The following KCNIP4 variants were observed in gnomAD, a reference collection of about 807,000 sequenced individuals.
KCNIP4 encodes the protein potassium voltage-gated channel interacting protein 4.
Under a neutral mutation model 34.0 loss-of-function variants are expected in KCNIP4, and 12 were observed. The ratio of observed to expected loss-of-function variants is 0.35; its 90% confidence interval spans 0.23 to 0.57. The LOEUF is 0.57. Ranked by LOEUF, KCNIP4 falls within the 20% of genes least tolerant of loss-of-function variation. KCNIP4 has a pLI of 0.83. For synonymous variants in KCNIP4, 124 were observed against 102.2 expected (o/e 1.21, Z -1.29); for missense variants, 238 against 311.7 (o/e 0.76, Z 1.78).
At chr4:20,838,736 A>T (rs982917397) in intron 3 of KCNIP4, among the ~76,000 whole-genome samples, 5 of 152,212 alleles carry the variant, frequency 3.3e-5, no homozygotes, top group Non-Finnish European at 7.3e-5. Flanking sequence ...GCTGAATGAC[A>T]TCCTGCTAGA....
intron 1 of KCNIP4, among the ~76,000 whole-genome samples, chr4:21,896,358 A>G (rs1237819917): frequency 6.6e-6 from 1 of 152,194 alleles, no homozygotes; most frequent in Non-Finnish European, 1.5e-5. Context: ...TAGAGACTAC[A>G]GAAGGACAAA....
intron 1 of KCNIP4, among the ~76,000 whole-genome samples, chr4:20,941,689 T>C (rs1453876670): frequency 6.6e-6 from 1 of 152,216 alleles, no homozygotes; most frequent in African/African-American, 2.4e-5. Flanking sequence ...TGTTATGTAA[T>C]CTTCTATTTC....
intron 1 of KCNIP4, among the ~76,000 whole-genome samples, chr4:20,943,445 G>C (rs1020140126): frequency 6.6e-6 from 1 of 152,136 alleles, no homozygotes; most frequent in Non-Finnish European, 1.5e-5. Context: ...TCAAATCCTT[G>C]CTCTGCAATT....
At chr4:21,221,202 T>G (rs1367421072) in intron 1 of KCNIP4, among the ~76,000 whole-genome samples, 1 of 152,188 alleles carries the variant, frequency 6.6e-6, no homozygotes, top group Non-Finnish European at 1.5e-5. Flanking sequence ...CCAGTTTTTT[T>G]GAGGGCAGGG....
intron 1 of KCNIP4, among the ~76,000 whole-genome samples, chr4:21,909,837 G>T (rs1056783550): frequency 1.5e-4 from 23 of 152,084 alleles, no homozygotes; most frequent in African/African-American, 5.5e-4. Flanking sequence ...AGCAAAAGGG[G>T]TTTCCCCTTA....
chr4:20,793,355 A>T (rs1204400433), intron 3 of KCNIP4, among the ~76,000 whole-genome samples: 1 of 152,204 alleles, frequency 6.6e-6, no homozygotes, highest in African/African-American at 2.4e-5. Flanking sequence ...CAAATTAGTC[A>T]TGCTGAGACA....
chr4:21,709,063 T>A (rs1449155665), intron 1 of KCNIP4, among the ~76,000 whole-genome samples: 1 of 152,166 alleles, frequency 6.6e-6, no homozygotes, highest in Admixed American at 6.5e-5. Flanking sequence ...AACAAAAATA[T>A]TTGTGTATAT....
intron 1 of KCNIP4, among the ~76,000 whole-genome samples, chr4:21,575,627 A>T (rs1224118542): frequency 6.6e-6 from 1 of 152,072 alleles, no homozygotes; most frequent in Non-Finnish European, 1.5e-5. Context: ...CATCTTCACA[A>T]GATTCTACAT....
intron 1 of KCNIP4, among the ~76,000 whole-genome samples, chr4:21,708,200 C>T (rs1366300272): frequency 6.6e-6 from 1 of 152,074 alleles, no homozygotes; most frequent in Non-Finnish European, 1.5e-5. Flanking sequence ...TACTACCCTA[C>T]AATTATATAA....
chr4:21,033,856 A>T (rs994447921), intron 1 of KCNIP4, among the ~76,000 whole-genome samples: 28 of 152,196 alleles, frequency 1.8e-4, no homozygotes, highest in Admixed American at 1.8e-3. Context: ...CATTCTGCTT[A>T]TATGAAAATC....
chr4:20,780,333 A>T (rs1277173434), intron 3 of KCNIP4, among the ~76,000 whole-genome samples: 1 of 152,184 alleles, frequency 6.6e-6, no homozygotes, highest in Non-Finnish European at 1.5e-5. Context: ...ATGGAAAAGA[A>T]AATAATGGCA....
chr4:21,099,495 T>C lies in KCNIP4; in HGVS notation c.62-216786A>G, dbSNP rs573223968. On this transcript the variant is annotated intron_variant, in intron 1 of 8. Transcript: ENST00000382152. ...GGGGAAGGGAGAACATCAGGAAAAA[T>C]AGCTAATGGATGCTGAGCTTAATAC... 3.3e-5 allele frequency among the ~76,000 whole-genome samples: 5 copies of C among 151,828 alleles called. No individual in the cohort carries two copies. The South Asian group carries it at 8.3e-4, about 25-fold the overall frequency.
At chr4:20,822,251 C>T (rs1031109391) in intron 3 of KCNIP4, among the ~76,000 whole-genome samples, 1 of 151,904 alleles carries the variant, frequency 6.6e-6, no homozygotes, top group African/African-American at 2.4e-5. Context: ...AAAAAGCAGG[C>T]CAAGGACATG....
At chr4:21,694,914 C>CAAAAAAAAAAAAAAAAAAAAAAA (rs368053041) in intron 1 of KCNIP4, among the ~76,000 whole-genome samples, 3 of 46,498 alleles carry the variant, frequency 6.5e-5, no homozygotes, top group African/African-American at 2.0e-4. Flanking sequence ...CACGATTGAC[C>CAAAAAAAAAAAAAAAAAAAAAAA]AAAAAAAAAA....
chr4:21,708,722 C>T (rs564063064), intron 1 of KCNIP4, among the ~76,000 whole-genome samples: 4 of 152,228 alleles, frequency 2.6e-5, no homozygotes, highest in African/African-American at 4.8e-5. Context: ...CAAAGGCAAT[C>T]AATAGGCAGC....
chr4:20,840,883 C>T (rs1719637036), intron 3 of KCNIP4, among the ~76,000 whole-genome samples: 2 of 152,124 alleles, frequency 1.3e-5, no homozygotes, highest in African/African-American at 2.4e-5. Flanking sequence ...GATTTTTAAG[C>T]CATAGAGATC....
intron 1 of KCNIP4, among the ~76,000 whole-genome samples, chr4:21,836,172 T>C (rs1222107378): frequency 6.6e-6 from 1 of 152,192 alleles, no homozygotes; most frequent in Non-Finnish European, 1.5e-5. Flanking sequence ...CTTAGGTTCT[T>C]AAGTTTAAGT....
chr4:20,739,578 C>T (rs1320453094), intron 5 of KCNIP4, among the ~76,000 whole-genome samples: 7 of 152,126 alleles, frequency 4.6e-5, no homozygotes, highest in Non-Finnish European at 1.0e-4. Flanking sequence ...CACACCAAAA[C>T]CCCATCTTTA....
At chr4:21,580,643 A>G (rs1261850745) in intron 1 of KCNIP4, among the ~76,000 whole-genome samples, 1 of 152,142 alleles carries the variant, frequency 6.6e-6, no homozygotes, top group Admixed American at 6.5e-5. Context: ...GATCATTCTC[A>G]GCATTCTCCC....
Sources: gnomAD v4.1 joint callset for allele counts (sites outside exome capture counted in the v4.1 genomes callset) on GRCh38, gnomAD v4.1.1 for gene constraint, MANE v1.5 for transcripts, NCBI Gene and HGNC (gene_info 2026-07-23, HGNC 2026-07-21) for gene names.